The following MEI4 variants were observed in gnomAD, a reference collection of about 807,000 sequenced individuals.
The protein encoded by MEI4 is meiosis-specific protein MEI4.
MEI4 carries 27 observed loss-of-function variants against 31.4 expected under a neutral mutation model. The ratio of observed to expected loss-of-function variants is 0.86; its 90% CI spans 0.63 to 1.19. MEI4 has a LOEUF of 1.19. MEI4 is among the 50% of genes most tolerant of loss of function. The pLI is 0.00. For missense variants in MEI4, 329 were observed against 398.9 expected, an observed-to-expected ratio of 0.82 and a Z score of 1.49; for synonymous variants, 122 against 145.4, an observed-to-expected ratio of 0.84 and a Z score of 1.16.
chr6:77,870,945 G>A (rs1374859627), intron 4 of MEI4, among the ~76,000 whole-genome samples: 1 of 151,978 alleles, frequency 6.6e-6, no homozygotes, highest in Non-Finnish European at 1.5e-5. Context: ...GAGATTTTCT[G>A]GTAATTCTGC....
intron 1 of MEI4, among the ~76,000 whole-genome samples, chr6:77,676,826 TG>T (rs1768854088): frequency 6.6e-6 from 1 of 152,210 alleles, no homozygotes; most frequent in South Asian, 2.1e-4. Context: ...CCCATCACTA[TG>T]GACTGTAAAA....
chr6:77,901,439 T>C (rs1766186676), intron 4 of MEI4, among the ~76,000 whole-genome samples: 1 of 152,110 alleles, frequency 6.6e-6, no homozygotes, highest in Admixed American at 6.6e-5. Context: ...ATTGTGGTTT[T>C]AATTTACATT....
intron 3 of MEI4, among the ~76,000 whole-genome samples, chr6:77,818,466 T>G (rs58421631): frequency 1.3e-5 from 2 of 152,184 alleles, no homozygotes; most frequent in African/African-American, 4.8e-5. Flanking sequence ...AAAATTAAAT[T>G]GAATTGATTT....
intron 2 of MEI4, among the ~76,000 whole-genome samples, chr6:77,748,843 G>A (rs1388576165): frequency 6.6e-6 from 1 of 152,100 alleles, no homozygotes; most frequent in Non-Finnish European, 1.5e-5. Context: ...GTTCCCAGTA[G>A]GGGCCGACAG....
In MEI4 at chr6:77,774,662, A is replaced by G. The variant is rs144257547; in HGVS notation, c.768+12997A>G. 1.4e-3 allele frequency among the ~76,000 whole-genome samples: 212 copies of G among 152,082 alleles called. 1 individual carries two copies. Among genetic ancestry groups the G allele is most frequent in the African/African-American group, 4.5e-3 (186 of 41,460 alleles). On this transcript the variant is annotated intron_variant, in intron 3 of 4. Transcript: ENST00000684080. ...GTCATTCTAAGACAGTTATCATAGC[A>G]TATATGCCTGAGCCAGGATGTTATT...
chr6:77,916,364 T>G (rs950347027), intron 4 of MEI4, among the ~76,000 whole-genome samples: 1 of 152,244 alleles, frequency 6.6e-6, no homozygotes, highest in South Asian at 2.1e-4. Context: ...GAACATCTGG[T>G]ATATCAGTTG....
At chr6:77,917,238 C>T (rs1483476729) in intron 4 of MEI4, among the ~76,000 whole-genome samples, 2 of 151,682 alleles carry the variant, frequency 1.3e-5, no homozygotes, top group African/African-American at 4.8e-5. Flanking sequence ...CATACGTGTG[C>T]ATGTGTCTTT....
chr6:77,838,245 A>T (rs1010660706), intron 4 of MEI4, among the ~76,000 whole-genome samples: 11 of 147,990 alleles, frequency 7.4e-5, no homozygotes, highest in South Asian at 2.1e-4. Flanking sequence ...GTAACCAGAA[A>T]TTTTTTTTTT....
chr6:77,907,894 G>A (rs970468070), intron 4 of MEI4, among the ~76,000 whole-genome samples: 1 of 152,042 alleles, frequency 6.6e-6, no homozygotes, highest in African/African-American at 2.4e-5. Context: ...TTTCTCTGAT[G>A]GCCAGTGATG....
chr6:77,730,113 T>C (rs1295577267), intron 2 of MEI4, among the ~76,000 whole-genome samples: 1 of 151,994 alleles, frequency 6.6e-6, no homozygotes, highest in African/African-American at 2.4e-5. Flanking sequence ...AGAAGATCTG[T>C]GAGATCTCAA....
intron 2 of MEI4, among the ~76,000 whole-genome samples, chr6:77,707,999 A>G (rs769836122): frequency 6.6e-6 from 1 of 152,214 alleles, no homozygotes; most frequent in Non-Finnish European, 1.5e-5. Flanking sequence ...GAGAGCTTCT[A>G]CTAGGGCAGC....
intron 3 of MEI4, among the ~76,000 whole-genome samples, chr6:77,784,773 A>G (rs1247258308): frequency 6.6e-6 from 1 of 152,156 alleles, no homozygotes; most frequent in Admixed American, 6.6e-5. Flanking sequence ...AGAATACCAT[A>G]TTTGATGGAA....
At chr6:77,662,403 G>T (rs933654520) in intron 1 of MEI4, among the ~76,000 whole-genome samples, 5 of 152,178 alleles carry the variant, frequency 3.3e-5, no homozygotes, top group Middle Eastern at 3.2e-3. Context: ...TGAGGGTCAG[G>T]TGTGGTATCC....
At chr6:77,893,881 T>C (rs893284845) in intron 4 of MEI4, among the ~76,000 whole-genome samples, 7 of 152,156 alleles carry the variant, frequency 4.6e-5, no homozygotes, top group African/African-American at 1.7e-4. Context: ...TAGTTCCTTC[T>C]CCTAAGCTTT....
At chr6:77,706,401 C>T (rs1766334738) in intron 2 of MEI4, among the ~76,000 whole-genome samples, 1 of 152,132 alleles carries the variant, frequency 6.6e-6, no homozygotes, top group African/African-American at 2.4e-5. Context: ...TAGGTCATAT[C>T]ATTTTTGTTC....
At chr6:77,734,960 G>T (rs896699188) in intron 2 of MEI4, among the ~76,000 whole-genome samples, 1 of 151,736 alleles carries the variant, frequency 6.6e-6, no homozygotes, top group African/African-American at 2.4e-5. Context: ...TTGAATATTG[G>T]CCCCCACTCT....
intron 4 of MEI4, among the ~76,000 whole-genome samples, chr6:77,913,674 C>T (rs1317596092): frequency 6.7e-6 from 1 of 149,860 alleles, no homozygotes; most frequent in Non-Finnish European, 1.5e-5. Context: ...GGATATTCTA[C>T]CTTTGTTTCC....
At chr6:77,735,916 G>A (rs1291051020) in intron 2 of MEI4, among the ~76,000 whole-genome samples, 3 of 151,836 alleles carry the variant, frequency 2.0e-5, no homozygotes, top group African/African-American at 7.3e-5. Flanking sequence ...GTCTGCCCCT[G>A]CTGGGGGATG....
At chr6:77,842,745 A>G (rs553906968) in intron 4 of MEI4, among the ~76,000 whole-genome samples, 2 of 152,068 alleles carry the variant, frequency 1.3e-5, no homozygotes, top group Non-Finnish European at 2.9e-5. Flanking sequence ...TGTAAAGGGA[A>G]GTGGACATCA....
Sources: allele counts gnomAD v4.1 joint callset (sites outside exome capture counted in the v4.1 genomes callset), GRCh38; gene constraint gnomAD v4.1.1; transcripts MANE v1.5; gene names NCBI Gene and HGNC (gene_info 2026-07-23, HGNC 2026-07-21).